Variants in HECTD3 observed in about 807,000 individuals in gnomAD.
The protein encoded by HECTD3 is HECT domain E3 ubiquitin protein ligase 3.
HECTD3 carries 72 observed loss-of-function variants against 109.3 expected under a neutral mutation model. The observed-to-expected ratio is 0.66, with a 90% CI of 0.54 to 0.80. The LOEUF (loss-of-function observed/expected upper bound fraction) is 0.80. Among genes scored for constraint, HECTD3 ranks in the 30% least tolerant of loss-of-function variants. HECTD3 has a pLI of 0.00. For synonymous variants in HECTD3, 481 were observed against 471.8 expected, an observed-to-expected ratio of 1.02 and a Z score of -0.25; for missense variants, 1,041 against 1,165.2, an observed-to-expected ratio of 0.89 and a Z score of 1.55.
At position 45,007,535 on chromosome 1, in the gene HECTD3, G is replaced by A. The variant is rs371750503; in HGVS notation, c.1381C>T (p.Arg461Cys). The A allele has an allele frequency of 8.7e-6, 14 of 1,613,826 alleles. No individual in the cohort carries two copies. The highest frequency in any genetic ancestry group is 9.3e-6 in the Non-Finnish European group (11 of 1,179,960). Reference sequence around the variant, plus strand: ...CTGGGCTTGCTGCTCTCAGAGTCACGCAGGCACTGAGCCACCAGGCCTGGC... The same window carrying A: ...CTGGGCTTGCTGCTCTCAGAGTCACACAGGCACTGAGCCACCAGGCCTGGC... ...QRPGLVAQCL[R>C]DSESSKPSFM... The change falls in exon 10 of 21, where the codon CGT (arginine) becomes TGT (cysteine). Residue 461 changes from arginine (R) to cysteine (C), a missense_variant. By Grantham distance (180) the Arg-to-Cys change is radical. Around this residue, in one of 2 missense-constraint regions of HECTD3, gnomAD observed 569 missense variants for 715.3 expected, o/e 0.80. Transcript: ENST00000372172.
chr1:45,005,266 T>C (rs946494019), intron 15 of HECTD3: 17 of 233,238 alleles, frequency 7.3e-5, no homozygotes, highest in Non-Finnish European at 7.6e-5. Context: ...TGTGGCTGCA[T>C]GGAGACCAAA....
chr1:45,004,420 C>T lies in HECTD3; in HGVS notation c.2143-43G>A, dbSNP rs773651311. The T allele has an allele frequency of 1.0e-4, 165 of 1,613,266 alleles. 2 individuals are homozygous for T. The Admixed American group carries it at 1.2e-3, about 12-fold the overall frequency. On this transcript the variant is annotated intron_variant, in intron 16 of 20. Transcript: ENST00000372172. ...AGGCTTGGCTGGGGAAGAGGGCACA[C>T]CTCCCGCCTCACACTGGGGGGCATC...
chr1:45,007,312 TG>T (rs375577948), intron 10 of HECTD3, 41 bp from the exon 11 acceptor site: 2 of 1,606,386 alleles, frequency 1.2e-6, no homozygotes. Context: ...AAGCAAGACC[TG>T]GCCCTATACT....
At position 45,011,162 on chromosome 1, in the gene HECTD3, G is replaced by A. The variant is rs900438793; in HGVS notation, c.96C>T (p.Ala32=). The change falls in exon 1 of 21, where the codon GCC becomes GCT. Residue 32 remains alanine (A), a synonymous_variant. Transcript: ENST00000372172. ...FLAEAARSLR[A]GRPLPAALAF... ...CCAGCGCTGCTGGCAGCGGCCGCCC[G>A]GCGCGGAGGCTCCGCGCTGCCTCTG... 8.7e-6 allele frequency: 13 copies of A among 1,496,514 alleles called. No homozygotes were observed. In the African/African-American group the frequency reaches 1.3e-4, roughly 15 times the overall value. The allele number at this position is 1,496,514 out of a possible 1,614,324, so 92.7% of individuals were successfully genotyped here.
In HECTD3 at chr1:45,009,833, G is replaced by A. The variant is rs994586436; in HGVS notation, c.760-150C>T. 2.7e-6 allele frequency: 3 copies of A among 1,093,868 alleles called. No individual in the cohort carries two copies. The African/African-American group carries it at 4.7e-5, about 17-fold the overall frequency. The allele number at this position is 1,093,868 out of a possible 1,614,324, so 67.8% of individuals were successfully genotyped here. On this transcript the variant is annotated intron_variant, in intron 4 of 20. Coordinates refer to ENST00000372172, the MANE Select transcript of HECTD3 (RefSeq NM_024602.6). ...ATAGGGGGCCGCTGGGTATGTAAGG[G>A]GTCCTATAGACGTCCAAGATGGGGA...
rs1043455541 is a variant in HECTD3 at position 45,006,467 on chromosome 1, G to A, written c.1725+225C>T. On this transcript the variant is annotated intron_variant, in intron 13 of 20. Coordinates refer to ENST00000372172, the MANE Select transcript of HECTD3 (RefSeq NM_024602.6). The surrounding 1 kb of genome is among the most constrained non-coding windows in gnomAD (Gnocchi z 4.7). The stretch of plus-strand genomic sequence containing the variant: ...ACTACAGGCGCGTGCCACCACGCCC[G>A]GCTAATTTTTTATTTTTATAGAGAT... Among the ~76,000 whole-genome samples the A allele has an allele frequency of 8.6e-5, 13 of 152,046 alleles. No individual in the cohort carries two copies. Among genetic ancestry groups the A allele is most frequent in the East Asian group, 1.9e-4 (1 of 5,178 alleles).
chr1:45,002,847 G>A lies in HECTD3; in HGVS notation c.*645C>T, dbSNP rs548766753. 6.5e-6 allele frequency: 1 copy of A among 154,686 alleles called. No individual in the cohort carries two copies. Among genetic ancestry groups the A allele is most frequent in the African/African-American group, 2.4e-5 (1 of 41,568 alleles). 9.6% of individuals were successfully genotyped at this position (154,686 alleles called of 1,614,324 possible). A position where few individuals can be genotyped will look rare whatever the true frequency, so the allele number is the denominator to read the frequency against. On this transcript the variant is annotated 3_prime_UTR_variant, in exon 21 of 21. Transcript: ENST00000372172. ...GTGGTAGTAGAGTTCACATTGAGTGGATGTGGGTTCTGAGTCAGGGAAGGT... is the reference window on the plus strand; with the variant it reads ...GTGGTAGTAGAGTTCACATTGAGTGAATGTGGGTTCTGAGTCAGGGAAGGT...
At position 45,006,471 on chromosome 1, in the gene HECTD3, A is replaced by G. The variant is rs903613131; in HGVS notation, c.1725+221T>C. 2.2e-4 allele frequency among the ~76,000 whole-genome samples: 34 copies of G among 152,124 alleles called. No individual in the cohort carries two copies. Among genetic ancestry groups the G allele is most frequent in the Admixed American group, 2.2e-3 (33 of 15,276 alleles). On this transcript the variant is annotated intron_variant, in intron 13 of 20. Transcript: ENST00000372172. This position sits in a 1 kb window ranked among gnomAD's most constrained non-coding sequence, Gnocchi z 4.7. The stretch of plus-strand genomic sequence containing the variant: ...CAGGCGCGTGCCACCACGCCCGGCT[A>G]ATTTTTTATTTTTATAGAGATGGGG...
In HECTD3 at chr1:45,008,324, G is replaced by A; in HGVS notation, c.1239-3C>T. The A allele has an allele frequency of 6.2e-7, 1 of 1,612,214 alleles. No individual in the cohort carries two copies. ...CACTATCGAGGATCTTGATGAATCTGGCATGGGTAGATAGACTGCAGCTAA... is the reference window on the plus strand; with the variant it reads ...CACTATCGAGGATCTTGATGAATCTAGCATGGGTAGATAGACTGCAGCTAA... On this transcript the variant is annotated splice_region_variant and splice_polypyrimidine_tract_variant and intron_variant, in intron 8 of 20. Coordinates refer to ENST00000372172, the MANE Select transcript of HECTD3 (RefSeq NM_024602.6).
At chr1:45,005,235 A>T (rs1232080129) in intron 15 of HECTD3, 1 of 251,508 alleles carries the variant, frequency 4.0e-6, no homozygotes, top group African/African-American at 2.2e-5. Flanking sequence ...GAGTTTAAAT[A>T]AGGAGAGTGA....
Position 45,010,908 on chromosome 1 carries a change from AGCCCGTGGCCATTGCACAGCTCCTC to A in HECTD3, c.325_349del (p.Glu109SerfsTer3). ...GCGCACCTTTGTCAGCTTCACCCAGAGCCCGTGGCCATTGCACAGCTCCTCGCCCGTGGTGCGCACGCAGGCGCCG... is the reference window on the plus strand; with the variant it reads ...GCGCACCTTTGTCAGCTTCACCCAGAGCCCGTGGTGCGCACGCAGGCGCCG... On this transcript the variant is annotated frameshift_variant, in exon 1 of 21. Transcript: ENST00000372172. LOFTEE classifies it high-confidence loss of function. The A allele has an allele frequency of 6.5e-7, 1 of 1,540,234 alleles. No homozygotes were observed. Among genetic ancestry groups the A allele is most frequent in the Non-Finnish European group, 8.7e-7 (1 of 1,154,894 alleles).
In HECTD3 at chr1:45,010,958, G is replaced by A. The variant is rs751640874; in HGVS notation, c.300C>T (p.Arg100=). 4.6e-6 allele frequency: 7 copies of A among 1,534,504 alleles called. No individual in the cohort carries two copies. Among genetic ancestry groups the A allele is most frequent in the Middle Eastern group, 1.8e-4 (1 of 5,602 alleles). ...CGCCCGTGGTGCGCACGCAGGCGCC[G>A]CGCCGGAGCTCAATGCTGTCGCGGG... ...RAARDSIELR[R]GACVRTTGEE... The change falls in exon 1 of 21, where the codon CGC becomes CGT. Residue 100 remains arginine (R), a synonymous_variant. Coordinates refer to ENST00000372172, the MANE Select transcript of HECTD3 (RefSeq NM_024602.6).
rs747997739 is a variant in HECTD3 at position 45,010,885 on chromosome 1, G to A, written c.369+4C>T. The A allele has an allele frequency of 1.3e-6, 2 of 1,518,856 alleles. No homozygotes were observed. Among genetic ancestry groups the A allele is most frequent in the East Asian group, 4.6e-5 (2 of 43,688 alleles). The allele number at this position is 1,518,856 out of a possible 1,614,324, so 94.1% of individuals were successfully genotyped here. On this transcript the variant is annotated splice_donor_region_variant and intron_variant, in intron 1 of 20. Transcript: ENST00000372172. ...TACCGGGTCCTGGGCAGGGAAGAGC[G>A]CACCTTTGTCAGCTTCACCCAGAGC...
Position 45,006,681 on chromosome 1 carries a change from A to G in HECTD3, c.1725+11T>C. The stretch of plus-strand genomic sequence containing the variant: ...ACCTGGGAGGTTTGCAGAGATGGAA[A>G]CGGAGATTACCTGGTTGGCTGTGCG... On this transcript the variant is annotated intron_variant, in intron 13 of 20. Transcript: ENST00000372172. The surrounding 1 kb of genome is among the most constrained non-coding windows in gnomAD (Gnocchi z 4.7). 1 of 1,606,096 alleles carries G rather than the reference A, an allele frequency of 6.2e-7. No homozygotes were observed. Among genetic ancestry groups the G allele is most frequent in the Middle Eastern group, 1.7e-4 (1 of 6,018 alleles).
At position 45,008,516 on chromosome 1, in the gene HECTD3, A is replaced by T; in HGVS notation, c.1238+20T>A. ...ATGTTGGGGGAAGGGAAGGGCCCATAGGTCCAGGACCACAGCCACCTCTGC... is the reference window on the plus strand; with the variant it reads ...ATGTTGGGGGAAGGGAAGGGCCCATTGGTCCAGGACCACAGCCACCTCTGC... On this transcript the variant is annotated intron_variant, in intron 8 of 20. Coordinates refer to ENST00000372172, the MANE Select transcript of HECTD3 (RefSeq NM_024602.6). 2.5e-6 allele frequency: 4 copies of T among 1,609,664 alleles called. No individual in the cohort carries two copies. Among genetic ancestry groups the T allele is most frequent in the Non-Finnish European group, 3.4e-6 (4 of 1,176,400 alleles).
intron 9 of HECTD3, 40 bp from the exon 10 acceptor site, chr1:45,007,635 G>A: frequency 6.4e-7 from 1 of 1,555,642 alleles, no homozygotes; most frequent in Non-Finnish European, 8.8e-7. Context: ...TGAGTGGGCA[G>A]TCAGCCTCCG....
Position 45,003,660 on chromosome 1 carries a change from A to G in HECTD3, c.2501+9T>C, listed in dbSNP as rs1043509950. On this transcript the variant is annotated intron_variant, in intron 20 of 20. Coordinates refer to ENST00000372172, the MANE Select transcript of HECTD3 (RefSeq NM_024602.6). The surrounding 1 kb of genome is among the most constrained non-coding windows in gnomAD (Gnocchi z 4.7). Reference sequence around the variant, plus strand: ...CTGGGCCCCAAATCGAGCCTAGGAAAAAACCCACCTGGCATAGTGTGGCAG... The same window carrying G: ...CTGGGCCCCAAATCGAGCCTAGGAAGAAACCCACCTGGCATAGTGTGGCAG... 1 of 1,614,094 alleles carries G rather than the reference A, an allele frequency of 6.2e-7. No individual in the cohort carries two copies. Among genetic ancestry groups the G allele is most frequent in the Non-Finnish European group, 8.5e-7 (1 of 1,180,044 alleles).
intron 9 of HECTD3, among the ~76,000 whole-genome samples, 170 bp from the exon 10 acceptor site, chr1:45,007,765 C>G (rs1217394406): frequency 1.1e-4 from 16 of 152,138 alleles, no homozygotes; most frequent in Non-Finnish European, 2.9e-5. Flanking sequence ...GGAGAGCTTT[C>G]TAAAACAAAA....
chr1:45,005,965 G>C, intron 14 of HECTD3, 32 bp downstream of exon 14: 1 of 1,611,436 alleles, frequency 6.2e-7, no homozygotes, highest in South Asian at 1.1e-5. Context: ...GGCCAGGGCT[G>C]ATCGGACGGG....
Sources: allele counts gnomAD v4.1 joint callset (sites outside exome capture counted in the v4.1 genomes callset), GRCh38; gene constraint gnomAD v4.1.1; regional missense constraint gnomAD v4.1.1; non-coding constraint Gnocchi (gnomAD v3.1); transcripts MANE v1.5; gene names NCBI Gene and HGNC (gene_info 2026-07-23, HGNC 2026-07-21).